FIBCD1: variants seen among roughly 807,000 people sequenced by gnomAD.
FIBCD1 encodes fibrinogen C domain-containing protein 1.
Under a neutral mutation model 45.1 loss-of-function variants are expected in FIBCD1, and 47 were observed. That is an observed-to-expected ratio of 1.04 (90% CI 0.82 to 1.33). The LOEUF (loss-of-function observed/expected upper bound fraction) is 1.33, where lower values mean the gene tolerates loss of function less well. Ranked by LOEUF, FIBCD1 falls within the 40% of genes most tolerant of loss-of-function variation. The probability of loss-of-function intolerance (pLI) is 0.00; values close to 1 mark genes in which losing one functional copy is unlikely to be tolerated. For missense variants in FIBCD1, 653 were observed against 682.2 expected (o/e 0.96, Z 0.48); for synonymous variants, 313 against 308.1 (o/e 1.02, Z -0.17).
chr9:130,930,621 G>A (rs1475579820), intron 1 of FIBCD1, among the ~76,000 whole-genome samples: 1 of 152,068 alleles, frequency 6.6e-6, no homozygotes, highest in Non-Finnish European at 1.5e-5. Context: ...GGGACCCACG[G>A]TCACCTGTGT....
intron 4 of FIBCD1, among the ~76,000 whole-genome samples, chr9:130,913,656 G>A (rs1423547974): frequency 1.3e-5 from 2 of 152,320 alleles, no homozygotes; most frequent in African/African-American, 2.4e-5. Flanking sequence ...TCAGGCTCAG[G>A]GAGATCTGAG....
At chr9:130,912,479 G>C (rs1378408339) in intron 4 of FIBCD1, among the ~76,000 whole-genome samples, 3 of 151,926 alleles carry the variant, frequency 2.0e-5, no homozygotes, top group African/African-American at 7.3e-5. Context: ...GGCCGAGGTG[G>C]GTGGATCACC....
intron 5 of FIBCD1, among the ~76,000 whole-genome samples, chr9:130,909,775 A>G (rs1368102376): frequency 6.6e-6 from 1 of 150,646 alleles, no homozygotes; most frequent in Non-Finnish European, 1.5e-5. Flanking sequence ...AAAAAAAAGA[A>G]ATGTTAAGGA....
intron 5 of FIBCD1, among the ~76,000 whole-genome samples, chr9:130,905,709 T>C (rs1588101955): frequency 1.3e-5 from 2 of 151,810 alleles, no homozygotes; most frequent in Non-Finnish European, 2.9e-5. Flanking sequence ...CGGGAGGAGG[T>C]GGGGGTGACA....
At chr9:130,937,249 A>C (rs1344915504) in intron 1 of FIBCD1, among the ~76,000 whole-genome samples, 3 of 152,096 alleles carry the variant, frequency 2.0e-5, no homozygotes, top group Non-Finnish European at 2.9e-5. Flanking sequence ...TGCAGACCTG[A>C]CCTAAAAGAG....
At chr9:130,934,304 G>T (rs965590568) in intron 1 of FIBCD1, among the ~76,000 whole-genome samples, 2 of 152,208 alleles carry the variant, frequency 1.3e-5, no homozygotes, top group African/African-American at 2.4e-5. Flanking sequence ...AGGGTTGGTG[G>T]CTCTGCTCAC....
chr9:130,936,571 C>T (rs888974744), intron 1 of FIBCD1, among the ~76,000 whole-genome samples: 3 of 152,232 alleles, frequency 2.0e-5, no homozygotes, highest in Non-Finnish European at 4.4e-5. Flanking sequence ...CAGAGGAAGG[C>T]GGGGCCCGGC....
At position 130,904,040 on chromosome 9, in the gene FIBCD1, G is replaced by T; in HGVS notation, c.*24C>A. On this transcript the variant is annotated 3_prime_UTR_variant, in exon 7 of 7. Transcript: ENST00000372338. ...GGGGATGGGGCGACAGGGACCAGCA[G>T]GGCCAAGGACAAGGTGCACCAGTCT... 6.2e-7 allele frequency: 1 copy of T among 1,610,150 alleles called. No individual in the cohort carries two copies. The highest frequency in any genetic ancestry group is 8.5e-7 in the Non-Finnish European group (1 of 1,178,934).
intron 2 of FIBCD1, 36 bp from the exon 3 acceptor site, chr9:130,924,432 G>C (rs760873952): frequency 6.4e-7 from 1 of 1,568,018 alleles, no homozygotes; most frequent in South Asian, 1.2e-5. Context: ...GGGGGCAGGG[G>C]CTCTGTTGGG....
In FIBCD1 at chr9:130,924,217, G is replaced by A. The variant is rs1832315835; in HGVS notation, c.712+20C>T. ...CTGGGACCCGAGGCACCGGAGGAAG[G>A]CAGGCCCTGCCCCACTCACCAGTGG... On this transcript the variant is annotated intron_variant, in intron 3 of 6. Coordinates refer to ENST00000372338, the MANE Select transcript of FIBCD1 (RefSeq NM_032843.5). The A allele has an allele frequency of 6.4e-7, 1 of 1,552,358 alleles. No individual in the cohort carries two copies.
At chr9:130,905,504 A>C in intron 5 of FIBCD1, 91 bp from the exon 6 acceptor site, 1 of 1,338,760 alleles carries the variant, frequency 7.5e-7, no homozygotes, top group Non-Finnish European at 1.0e-6. Context: ...GAGCTCATGC[A>C]GTTGGGGACA....
chr9:130,912,751 G>A (rs1474815602), intron 4 of FIBCD1, among the ~76,000 whole-genome samples: 1 of 150,932 alleles, frequency 6.6e-6, no homozygotes, highest in African/African-American at 2.4e-5. Context: ...AGCCGGCTTT[G>A]GGGGCATCTC....
chr9:130,914,896 C>T (rs1319332832), intron 4 of FIBCD1, among the ~76,000 whole-genome samples: 2 of 152,218 alleles, frequency 1.3e-5, no homozygotes, highest in East Asian at 1.9e-4. Flanking sequence ...GTGCTCTCTG[C>T]GTGCCCATGT....
chr9:130,938,477 C>G (rs1359483021), intron 1 of FIBCD1, 59 bp downstream of exon 1: 18 of 1,381,264 alleles, frequency 1.3e-5, no homozygotes, highest in Non-Finnish European at 1.7e-5. Context: ...GCCCCGCCGG[C>G]CCGAGCGGCC....
chr9:130,916,551 G>C lies in FIBCD1; in HGVS notation c.850-4663C>G, dbSNP rs999994694. Among the ~76,000 whole-genome samples, 10 of 152,382 alleles carry C rather than the reference G, an allele frequency of 6.6e-5. No individual in the cohort carries two copies. The South Asian group carries it at 1.2e-3, about 19-fold the overall frequency. On this transcript the variant is annotated intron_variant, in intron 4 of 6. Transcript: ENST00000372338. Reference sequence around the variant, plus strand: ...GGTGGGTCCTCCCAGCTTCCCGTGTGGGGGAATGTTTAGTCTGACTCTGAG... The same window carrying C: ...GGTGGGTCCTCCCAGCTTCCCGTGTCGGGGAATGTTTAGTCTGACTCTGAG...
At chr9:130,914,687 C>G (rs1832125985) in intron 4 of FIBCD1, among the ~76,000 whole-genome samples, 1 of 152,238 alleles carries the variant, frequency 6.6e-6, no homozygotes, top group South Asian at 2.1e-4. Flanking sequence ...CAGACCACAG[C>G]CTCCGAGAGG....
chr9:130,906,880 C>T (rs1331870857), intron 5 of FIBCD1, among the ~76,000 whole-genome samples: 1 of 152,208 alleles, frequency 6.6e-6, no homozygotes, highest in Non-Finnish European at 1.5e-5. Context: ...CCGCTGCACA[C>T]ATTATCCAGG....
chr9:130,936,263 AGAGAAGGCTGGCCCAG>A (rs1439282335), intron 1 of FIBCD1: 1 of 152,310 alleles, frequency 6.6e-6, no homozygotes, highest in Non-Finnish European at 1.5e-5. Context: ...ACAAGGGAGG[AGAGAAGGCTGGCCCAG>A]GAGAGGGCAG....
chr9:130,923,139 G>A (rs1222431341), intron 4 of FIBCD1, among the ~76,000 whole-genome samples: 1 of 152,200 alleles, frequency 6.6e-6, no homozygotes, highest in African/African-American at 2.4e-5. Context: ...CAGTCCTCCT[G>A]GTCTTCAAAG....
Sources: gnomAD v4.1 joint callset for allele counts (sites outside exome capture counted in the v4.1 genomes callset) on GRCh38, gnomAD v4.1.1 for gene constraint, MANE v1.5 for transcripts, NCBI Gene and HGNC (gene_info 2026-07-23, HGNC 2026-07-21) for gene names.